SLC14A2: variants seen among roughly 807,000 people sequenced by gnomAD.
The protein encoded by SLC14A2 is urea transporter 2.
Under a neutral mutation model 104.6 loss-of-function variants are expected in SLC14A2, and 91 were observed. That is an observed-to-expected ratio of 0.87 (90% CI 0.73 to 1.04). SLC14A2 has a LOEUF of 1.04. Among genes scored for constraint, SLC14A2 ranks in the 50% least tolerant of loss-of-function variants. The pLI, the probability that SLC14A2 is intolerant of heterozygous loss-of-function variation, is 0.00. For missense variants in SLC14A2, 1,189 were observed against 1,156.0 expected, an observed-to-expected ratio of 1.03 and a Z score of -0.41; for synonymous variants, 476 against 466.4, an observed-to-expected ratio of 1.02 and a Z score of -0.27.
intron 16 of SLC14A2, among the ~76,000 whole-genome samples, chr18:45,671,932 G>A (rs764666198): frequency 1.3e-4 from 20 of 152,230 alleles, no homozygotes; most frequent in South Asian, 4.1e-4. Context: ...CCAAACTCTC[G>A]GACCTTTGTG....
intron 1 of SLC14A2, among the ~76,000 whole-genome samples, chr18:45,231,932 A>T (rs1038529893): frequency 2.0e-5 from 3 of 152,178 alleles, no homozygotes; most frequent in Non-Finnish European, 2.9e-5. Context: ...CAAAGAAGAA[A>T]CACAGGCTGC....
At chr18:45,395,340 G>A (rs1406450488) in intron 1 of SLC14A2, among the ~76,000 whole-genome samples, 1 of 152,180 alleles carries the variant, frequency 6.6e-6, no homozygotes, top group Non-Finnish European at 1.5e-5. Context: ...CAAACTCTGA[G>A]AAGCAGAAAG....
chr18:45,407,005 T>G (rs565619361), intron 1 of SLC14A2, among the ~76,000 whole-genome samples: 1 of 152,276 alleles, frequency 6.6e-6, no homozygotes, highest in East Asian at 1.9e-4. Context: ...AGCATTGGCT[T>G]CCATTGAAAT....
the SLC14A2 span, among the ~76,000 whole-genome samples, chr18:45,200,194 T>TGTGG: frequency 6.6e-6 from 1 of 152,154 alleles, no homozygotes; most frequent in Non-Finnish European, 1.5e-5. Flanking sequence ...TTTTCTCTGC[T>TGTGG]GTGGAAGTAC....
chr18:45,591,673 C>T (rs1313006470), intron 2 of SLC14A2, among the ~76,000 whole-genome samples: 1 of 152,174 alleles, frequency 6.6e-6, no homozygotes, highest in Non-Finnish European at 1.5e-5. Flanking sequence ...AGTGCTGCTG[C>T]TGGGTCATAA....
rs1368266972 is a variant in SLC14A2 at position 45,625,817 on chromosome 18, G to A, written c.285G>A (p.Val95=). Residue 95 remains valine, a synonymous_variant, in exon 3 of 20, where the codon GTG becomes GTA. Transcript: ENST00000255226. ...GQRCICLSKA[V]GYLTGDMKEY... ...GGTGCATCTGCCTCTCCAAAGCAGT[G>A]GGCTACCTCACGGGCGACATGAAGG... is the stretch of plus-strand genomic sequence containing the variant. 2.6e-6 allele frequency: 4 copies of A among 1,516,534 alleles called. No homozygotes were observed. In the African/African-American group the frequency reaches 4.3e-5, roughly 16 times the overall value. 93.9% of individuals were successfully genotyped at this position (1,516,534 alleles called of 1,614,324 possible).
At chr18:45,278,891 C>T (rs2084731964) in intron 1 of SLC14A2, among the ~76,000 whole-genome samples, 1 of 152,198 alleles carries the variant, frequency 6.6e-6, no homozygotes, top group Admixed American at 6.5e-5. Flanking sequence ...CTGGTGCTTA[C>T]CACTGCACAG....
chr18:45,522,776 A>G (rs1000072168), intron 2 of SLC14A2, among the ~76,000 whole-genome samples: 3 of 151,990 alleles, frequency 2.0e-5, no homozygotes, highest in Non-Finnish European at 2.9e-5. Context: ...CACTTTACTC[A>G]GGCTCTCATT....
rs954812169 is a variant in SLC14A2, at chr18:45,585,581, A to T, written c.-34-39050A>T. Among the ~76,000 whole-genome samples the T allele has an allele frequency of 4.6e-5, 7 of 152,356 alleles. 1 individual carries two copies. The highest frequency in any genetic ancestry group is 1.3e-4 in the Admixed American group (2 of 15,308). On this transcript the variant is annotated intron_variant, in intron 2 of 20. Coordinates refer to the SLC14A2 transcript ENST00000586448. ...ACAGCCAAAATTCTAGAAATTTATC[A>T]TAGGCATACCTGAATTACCCACCCT...
chr18:45,208,384 C>T (rs952301220), upstream of SLC14A2, among the ~76,000 whole-genome samples: 15 of 152,126 alleles, frequency 9.9e-5, no homozygotes, highest in African/African-American at 3.4e-4. Context: ...TGCTTGCGGA[C>T]GTTCATTTCT....
intron 1 of SLC14A2, among the ~76,000 whole-genome samples, chr18:45,425,044 A>G (rs1180702775): frequency 6.6e-6 from 1 of 152,234 alleles, no homozygotes; most frequent in Non-Finnish European, 1.5e-5. Flanking sequence ...CATCCCAGAC[A>G]TGGCTGCCTA....
chr18:45,614,507 C>T (rs1427884275), upstream of SLC14A2, among the ~76,000 whole-genome samples: 3 of 152,228 alleles, frequency 2.0e-5, no homozygotes, highest in South Asian at 2.1e-4. Flanking sequence ...AGACACTCAA[C>T]ACCAGCCTGC....
chr18:45,241,865 A>T (rs141841456), intron 1 of SLC14A2, among the ~76,000 whole-genome samples: 1,993 of 150,892 alleles, frequency 0.013, 21 homozygotes, highest in Non-Finnish European at 0.018. Flanking sequence ...CTGGTCTCGA[A>T]CTCCCGACCT....
At chr18:45,653,002 C>T (rs2045767162) in intron 10 of SLC14A2, among the ~76,000 whole-genome samples, 1 of 151,832 alleles carries the variant, frequency 6.6e-6, no homozygotes, top group Admixed American at 6.6e-5. Context: ...TAGGTGGATG[C>T]TTAGGTAGCT....
At chr18:45,510,897 G>A (rs925856952) in intron 2 of SLC14A2, among the ~76,000 whole-genome samples, 1 of 152,164 alleles carries the variant, frequency 6.6e-6, no homozygotes, top group African/African-American at 2.4e-5. Flanking sequence ...TGTTAAATGT[G>A]TCTGTACACA....
At chr18:45,332,169 C>T (rs538209393) in intron 1 of SLC14A2, among the ~76,000 whole-genome samples, 1 of 152,290 alleles carries the variant, frequency 6.6e-6, no homozygotes, top group African/African-American at 2.4e-5. Flanking sequence ...TGCTGGATTT[C>T]TCCTTGGCAA....
At chr18:45,637,844 G>A (rs2045447340) in intron 6 of SLC14A2, among the ~76,000 whole-genome samples, 1 of 152,192 alleles carries the variant, frequency 6.6e-6, no homozygotes, top group Non-Finnish European at 1.5e-5. Flanking sequence ...ATTATGAGGA[G>A]TGTGAAGAAG....
At chr18:45,354,013 T>A (rs748044728) in intron 1 of SLC14A2, among the ~76,000 whole-genome samples, 1 of 152,198 alleles carries the variant, frequency 6.6e-6, no homozygotes, top group Non-Finnish European at 1.5e-5. Flanking sequence ...CCCTTCACCA[T>A]GAGAAAGAGG....
At chr18:45,621,958 T>A in intron 1 of SLC14A2, among the ~76,000 whole-genome samples, 1 of 152,120 alleles carries the variant, frequency 6.6e-6, no homozygotes, top group East Asian at 1.9e-4. Flanking sequence ...GTTCAACACC[T>A]TACAAGTACT....
Sources: gnomAD v4.1 joint callset for allele counts (sites outside exome capture counted in the v4.1 genomes callset) on GRCh38, gnomAD v4.1.1 for gene constraint, MANE v1.5 for transcripts, NCBI Gene and HGNC (gene_info 2026-07-23, HGNC 2026-07-21) for gene names.